Variants in WDR90 observed in about 807,000 individuals in gnomAD.
The protein encoded by WDR90 is WD repeat-containing protein 90.
Under a neutral mutation model 195.2 loss-of-function variants are expected in WDR90, and 238 were observed. The observed-to-expected ratio is 1.22, with a 90% CI of 1.10 to 1.36. WDR90 has a LOEUF of 1.36. Among genes scored for constraint, WDR90 ranks in the 40% most tolerant of loss-of-function variants. The pLI, the probability that WDR90 is intolerant of heterozygous loss-of-function variation, is 0.00. For synonymous variants in WDR90, 1,265 were observed against 1,052.4 expected (o/e 1.20, Z -3.91); for missense variants, 2,734 against 2,439.5 (o/e 1.12, Z -2.54).
In WDR90 at chr16:658,935, T is replaced by C; in HGVS notation, c.2935T>C (p.Phe979Leu). The change falls in exon 24 of 41, where the codon TTC (phenylalanine) becomes CTC (leucine). Residue 979 changes from phenylalanine to leucine, a missense_variant. Physicochemically the swap from Phe to Leu is conservative, Grantham distance 22 (BLOSUM62 0). Coordinates refer to ENST00000293879, the MANE Select transcript of WDR90 (RefSeq NM_145294.5). ...GHSEPVQAVA[F>L]SPDQQQVLSA... ...CTCGGAACCCGTGCAGGCTGTGGCC[T>C]TCTCTCCTGACCAGCAGCAGGTCCT... The C allele has an allele frequency of 6.2e-7, 1 of 1,612,748 alleles. No homozygotes were observed. The highest frequency in any genetic ancestry group is 8.5e-7 in the Non-Finnish European group (1 of 1,179,980).
At chr16:654,437 G>A (rs1396475728) in intron 13 of WDR90, 1 of 149,714 alleles carries the variant, frequency 6.7e-6, no homozygotes, top group Non-Finnish European at 1.5e-5. Flanking sequence ...ATGGAGTGCA[G>A]TGGCGCGATC....
Position 658,659 on chromosome 16 carries a change from T to TG in WDR90, c.2895+7dup. On this transcript the variant is annotated splice_region_variant and intron_variant, in intron 23 of 40. Coordinates refer to ENST00000293879, the MANE Select transcript of WDR90 (RefSeq NM_145294.5). Reference sequence around the variant, plus strand: ...AGGCCAGCCCAGGCCCCCAGGTGTGTGCGTGGGGAGGCAGGTGGCTTTGGC... The same window carrying TG: ...AGGCCAGCCCAGGCCCCCAGGTGTGTGGCGTGGGGAGGCAGGTGGCTTTGGC... 6.2e-7 allele frequency: 1 copy of TG among 1,602,818 alleles called. No individual in the cohort carries two copies. Among genetic ancestry groups the TG allele is most frequent in the Admixed American group, 1.7e-5 (1 of 59,668 alleles).
rs1400277439 is a variant in WDR90, at chr16:661,587, T to C, written c.3674-10T>C. On this transcript the variant is annotated splice_polypyrimidine_tract_variant and intron_variant, in intron 30 of 40. Coordinates refer to ENST00000293879, the MANE Select transcript of WDR90 (RefSeq NM_145294.5). ...GTGCACCTGACGTGGCTGCTCTGTGTCCTTCCCAGGGGACCACGATGGCCG... is the reference window on the plus strand; with the variant it reads ...GTGCACCTGACGTGGCTGCTCTGTGCCCTTCCCAGGGGACCACGATGGCCG... 1.3e-6 allele frequency: 2 copies of C among 1,582,604 alleles called. No individual in the cohort carries two copies. The highest frequency in any genetic ancestry group is 2.7e-5 in the African/African-American group (2 of 74,426).
chr16:666,681 C>T lies in WDR90; in HGVS notation c.4893C>T (p.Gly1631=), dbSNP rs922610253. The T allele has an allele frequency of 2.5e-6, 4 of 1,612,656 alleles. No homozygotes were observed. Among genetic ancestry groups the T allele is most frequent in the East Asian group, 4.5e-5 (2 of 44,882 alleles). The part of the protein sequence containing the change: ...FPMPATTETQ[G]HLPPSLAAFC... ...ATGCTGCGCCTTTGCAGACTCAGGG[C>T]CACCTGCCACCCTCCCTCGCTGCCT... The change falls in exon 39 of 41, where the codon GGC becomes GGT. Residue 1631 remains glycine (G), a synonymous_variant. Coordinates refer to ENST00000293879, the MANE Select transcript of WDR90 (RefSeq NM_145294.5).
chr16:654,906 C>CGCTCAGAGGCTGGTCTCCGCAT, intron 13 of WDR90, 123 bp from the exon 14 acceptor site: 4 of 863,900 alleles, frequency 4.6e-6, no homozygotes, highest in Admixed American at 2.3e-5. Flanking sequence ...CACGGCCGCA[C>CGCTCAGAGGCTGGTCTCCGCAT]GCTCAGAGGC....
chr16:661,063 A>AGG lies in WDR90; in HGVS notation c.3404_3405insGG (p.Tyr1135Ter). ...TCTCTGCGCACAGGCTTCTTTGCCT[A>AGG]CACGTGCGGCCGCCTGGTGGTGGTG... The part of the protein sequence containing the change: ...VWRPDTGFFA[Y>*]TCGRLVVVED... Residue 1135 changes from tyrosine to a stop codon, truncating the protein, a stop_gained and frameshift_variant, in exon 29 of 41, where the codon TAC becomes TAGGC. Coordinates refer to ENST00000293879, the MANE Select transcript of WDR90 (RefSeq NM_145294.5). LOFTEE classifies it high-confidence loss of function. The AGG allele has an allele frequency of 7.7e-7, 1 of 1,305,256 alleles. No homozygotes were observed. The highest frequency in any genetic ancestry group is 9.7e-7 in the Non-Finnish European group (1 of 1,030,598). The allele number at this position is 1,305,256 out of a possible 1,614,324, so 80.9% of individuals were successfully genotyped here. A position where few individuals can be genotyped will look rare whatever the true frequency, so the allele number is the denominator to read the frequency against.
chr16:665,632 C>G (rs778759325), intron 34 of WDR90, 47 bp from the exon 35 acceptor site: 3 of 1,611,722 alleles, frequency 1.9e-6, no homozygotes, highest in Non-Finnish European at 2.5e-6. Flanking sequence ...CGTCCCTTTA[C>G]CCTGCCCAGG....
At chr16:649,267 C>T (rs2037587988), upstream of WDR90, 2 of 927,922 alleles carry the variant, frequency 2.2e-6, no homozygotes, top group South Asian at 3.0e-5. Flanking sequence ...GGTACTCCCA[C>T]CGGGGAGGTC....
intron 17 of WDR90, 147 bp downstream of exon 17, chr16:656,036 C>A: frequency 9.7e-7 from 1 of 1,028,484 alleles, no homozygotes; most frequent in Non-Finnish European, 1.4e-6. Context: ...ATATCCAGAG[C>A]CCTGGGGCGG....
Position 666,523 on chromosome 16 carries a change from CTG to C in WDR90, c.4810_4811del (p.Trp1604GlyfsTer10). On this transcript the variant is annotated frameshift_variant, in exon 38 of 41. Coordinates refer to ENST00000293879, the MANE Select transcript of WDR90 (RefSeq NM_145294.5). LOFTEE classifies it high-confidence loss of function. ...CCAGTGGGGACCAGCGGGTCAGCGTCTGGGCCTCCGACTGGCTGCGGAACCAC... is the reference window on the plus strand; with the variant it reads ...CCAGTGGGGACCAGCGGGTCAGCGTCGGCCTCCGACTGGCTGCGGAACCAC... ...AASGDQRVSVWASDWLRNHCE... is the reference protein window; with the variant it reads ...AASGDQRVSVXASDWLRNHCE... 1 of 1,612,764 alleles carries C rather than the reference CTG, an allele frequency of 6.2e-7. No homozygotes were observed. Among genetic ancestry groups the C allele is most frequent in the South Asian group, 1.1e-5 (1 of 91,080 alleles).
At chr16:654,782 G>A (rs556730112) in intron 13 of WDR90, 47 of 517,814 alleles carry the variant, frequency 9.1e-5, no homozygotes, top group East Asian at 4.1e-4. Context: ...TCCGGCTTGC[G>A]GGGGGGTTTG....
rs1298537747 is a variant in WDR90, at chr16:657,226, G to A, written c.2473+5G>A. 6.5e-7 allele frequency: 1 copy of A among 1,540,446 alleles called. No homozygotes were observed. The highest frequency in any genetic ancestry group is 8.8e-7 in the Non-Finnish European group (1 of 1,141,078). ...GGCATGTCCTCCGAGTGGCAGGTTG[G>A]GCCCCCTGCAGCCACTCTGGGGGAC... is the stretch of plus-strand genomic sequence containing the variant. On this transcript the variant is annotated splice_donor_5th_base_variant and intron_variant, in intron 20 of 40. Transcript: ENST00000293879.
rs996699177 is a variant in WDR90, at chr16:649,433, C to T, written c.10+7C>T. ...GGCGGCGCCATGGCCCGAGGTAGCG[C>T]GCGGCTGGCGGGGGTCCCGAGGATC... On this transcript the variant is annotated splice_region_variant and intron_variant, in intron 1 of 40. Transcript: ENST00000293879. The T allele has an allele frequency of 1.3e-5, 17 of 1,299,706 alleles. No homozygotes were observed. The African/African-American group carries it at 2.3e-4, about 18-fold the overall frequency. 80.5% of individuals were successfully genotyped at this position (1,299,706 alleles called of 1,614,324 possible).
intron 26 of WDR90, 31 bp downstream of exon 26, chr16:659,407 G>T (rs748580271): frequency 2.2e-5 from 34 of 1,580,796 alleles, no homozygotes; most frequent in Non-Finnish European, 2.8e-5. Flanking sequence ...AGGAGTGGGG[G>T]GATTCGGGGG....
rs1396761608 is a variant in WDR90, at chr16:659,345, C to T, written c.3153C>T (p.Gly1051=). 10 of 1,594,188 alleles carry T rather than the reference C, an allele frequency of 6.3e-6. No individual in the cohort carries two copies. The highest frequency in any genetic ancestry group is 2.3e-5 in the East Asian group (1 of 44,070). The part of the protein sequence containing the change: ...KPCQASPPRL[G]VCARPPEGGD... ...GTCAGGCATCTCCACCACGGCTGGG[C>T]GTCTGTGCCAGGCCTCCCGAAGGTG... Residue 1051 remains glycine, a synonymous_variant, in exon 26 of 41, where the codon GGC becomes GGT. Coordinates refer to ENST00000293879, the MANE Select transcript of WDR90 (RefSeq NM_145294.5).
chr16:666,298 T>C lies in WDR90; in HGVS notation c.4688T>C (p.Leu1563Pro), dbSNP rs1457053527. The C allele has an allele frequency of 6.2e-7, 1 of 1,612,720 alleles. No homozygotes were observed. The highest frequency in any genetic ancestry group is 1.1e-5 in the South Asian group (1 of 91,088). Residue 1563 changes from leucine to proline, a missense_variant, in exon 37 of 41, where the codon CTG (leucine) becomes CCG (proline). Coordinates refer to ENST00000293879, the MANE Select transcript of WDR90 (RefSeq NM_145294.5). ...HPCTGTTFRV[L>P]SDHQGAPIST... ...TGCACAGGGACAACCTTCCGTGTGCTGAGTGACCACCAGGGCGCCCCAATC... is the reference window on the plus strand; with the variant it reads ...TGCACAGGGACAACCTTCCGTGTGCCGAGTGACCACCAGGGCGCCCCAATC...
At chr16:654,791 T>C in intron 13 of WDR90, 1 of 560,216 alleles carries the variant, frequency 1.8e-6, no homozygotes, top group South Asian at 2.2e-5. Context: ...CGGGGGGGTT[T>C]GTACTTCTCT....
At chr16:660,969 C>G (rs2037887654) in intron 28 of WDR90, 82 bp from the exon 29 acceptor site, 1 of 436,826 alleles carries the variant, frequency 2.3e-6, no homozygotes, top group African/African-American at 2.5e-5. Flanking sequence ...AGGCCCCGCC[C>G]CCTGTTCGGC....
Position 667,557 on chromosome 16 carries a change from G to A in WDR90, c.5215G>A (p.Glu1739Lys), listed in dbSNP as rs185819489. 1.5e-4 allele frequency: 236 copies of A among 1,610,812 alleles called. No individual in the cohort carries two copies. The African/African-American group carries it at 2.7e-3, about 18-fold the overall frequency. ...GCTGCTCTTCACGGCCGCCCGCAAC[G>A]AGATCCTTGTGTGGGAGGTCCCCGG... ...ARLLFTAARN[E>K]ILVWEVPGL The change falls in exon 41 of 41, where the codon GAG becomes AAG. Residue 1739 changes from glutamate (E) to lysine (K), a missense_variant. Physicochemically the swap from Glu to Lys is moderately conservative, Grantham distance 56. Transcript: ENST00000293879.
Sources: allele counts gnomAD v4.1 joint callset, GRCh38; gene constraint gnomAD v4.1.1; transcripts MANE v1.5; gene names NCBI Gene and HGNC (gene_info 2026-07-23, HGNC 2026-07-21).